EYS: variants seen among roughly 807,000 people sequenced by gnomAD.
EYS encodes EGF-like photoreceptor maintenance factor.
EYS carries 250 observed loss-of-function variants against 282.1 expected under a neutral mutation model. That is an observed-to-expected ratio of 0.89 (90% confidence interval 0.80 to 0.98). EYS has a LOEUF of 0.98. Among genes scored for constraint, EYS ranks in the 50% least tolerant of loss-of-function variants. The pLI, the probability that EYS is intolerant of heterozygous loss-of-function variation, is 0.00. For missense variants in EYS, 4,016 were observed against 3,709.0 expected, an observed-to-expected ratio of 1.08 and a Z score of -2.15; for synonymous variants, 1,355 against 1,282.9, an observed-to-expected ratio of 1.06 and a Z score of -1.20.
chr6:65,161,513 A>C (rs566824753), intron 12 of EYS, among the ~76,000 whole-genome samples: 2 of 151,248 alleles, frequency 1.3e-5, no homozygotes, highest in South Asian at 4.1e-4. Context: ...ATTCACTTAT[A>C]GTCTCAGAAT....
chr6:64,404,392 TGTGTGTGTGTGTG>T (rs2150438514), intron 28 of EYS, among the ~76,000 whole-genome samples: 1 of 92,464 alleles, frequency 1.1e-5, no homozygotes, highest in East Asian at 5.1e-4. Context: ...TGTGTGTGTG[TGTGTGTGTGTGTG>T]TGTGTGTGCA....
At chr6:65,664,704 G>C (rs1768140268) in intron 1 of EYS, among the ~76,000 whole-genome samples, 1 of 152,000 alleles carries the variant, frequency 6.6e-6, no homozygotes, top group African/African-American at 2.4e-5. Flanking sequence ...TTTTTAATAT[G>C]CTCACAAATA....
At chr6:64,720,133 A>G (rs1583077040) in intron 22 of EYS, among the ~76,000 whole-genome samples, 1 of 152,188 alleles carries the variant, frequency 6.6e-6, no homozygotes, top group Non-Finnish European at 1.5e-5. Context: ...GGAGGCACTA[A>G]GATAGAATCT....
Position 64,451,898 on chromosome 6 carries a change from T to TATC in EYS, c.5645-12549_5645-12547dup, listed in dbSNP as rs1282662292. Among the ~76,000 whole-genome samples, 5 of 152,154 alleles carry TATC rather than the reference T, an allele frequency of 3.3e-5. No homozygotes were observed. The East Asian group carries it at 9.6e-4, about 29-fold the overall frequency. On this transcript the variant is annotated intron_variant, in intron 26 of 42. Transcript: ENST00000503581. ...CTATCTATGACAAACCCACAGCCAA[T>TATC]ATCATACTGAATGGACAAAAACTGG...
intron 26 of EYS, among the ~76,000 whole-genome samples, chr6:64,483,185 G>A (rs775554652): frequency 1.3e-5 from 2 of 151,562 alleles, no homozygotes; most frequent in Non-Finnish European, 3.0e-5. Context: ...AAAAGCCATG[G>A]ACAATATGTA....
chr6:64,360,870 G>C (rs1017088025), intron 29 of EYS, among the ~76,000 whole-genome samples: 1 of 151,666 alleles, frequency 6.6e-6, no homozygotes, highest in African/African-American at 2.4e-5. Context: ...TAACTTTTCA[G>C]TGCAATATGT....
chr6:64,698,241 T>C (rs1457114982), intron 22 of EYS, among the ~76,000 whole-genome samples: 1 of 151,922 alleles, frequency 6.6e-6, no homozygotes, highest in Non-Finnish European at 1.5e-5. Flanking sequence ...AAATAGATTA[T>C]AAATTAACAA....
chr6:65,499,504 G>A (rs1404860691), intron 2 of EYS, among the ~76,000 whole-genome samples: 1 of 151,932 alleles, frequency 6.6e-6, no homozygotes, highest in Non-Finnish European at 1.5e-5. Flanking sequence ...TAAGAAGTAT[G>A]ACCTCCACAA....
chr6:65,218,801 T>C (rs1042945743), intron 12 of EYS, among the ~76,000 whole-genome samples: 2 of 151,954 alleles, frequency 1.3e-5, no homozygotes, highest in Non-Finnish European at 2.9e-5. Flanking sequence ...TAGCCTAGAA[T>C]GGAGAAAAAA....
intron 30 of EYS, among the ~76,000 whole-genome samples, chr6:64,263,902 A>T (rs1767670722): frequency 1.3e-5 from 2 of 152,166 alleles, no homozygotes; most frequent in Non-Finnish European, 2.9e-5. Flanking sequence ...CTGCAGCTTC[A>T]AATATGCAAA....
intron 22 of EYS, among the ~76,000 whole-genome samples, chr6:64,750,298 T>C (rs1017106532): frequency 7.9e-5 from 12 of 151,852 alleles, no homozygotes; most frequent in Non-Finnish European, 1.6e-4. Flanking sequence ...CTATTGGACA[T>C]AGATCTAAGG....
intron 19 of EYS, among the ~76,000 whole-genome samples, chr6:64,841,335 A>G (rs971468369): frequency 2.0e-5 from 3 of 152,152 alleles, no homozygotes; most frequent in African/African-American, 7.2e-5. Context: ...TAAATTTAAG[A>G]GAATATTTAA....
intron 26 of EYS, among the ~76,000 whole-genome samples, chr6:64,501,531 A>G (rs1777044503): frequency 6.6e-6 from 1 of 152,154 alleles, no homozygotes; most frequent in Non-Finnish European, 1.5e-5. Context: ...CATTAAAAAA[A>G]GATTAAACTA....
intron 24 of EYS, among the ~76,000 whole-genome samples, chr6:64,604,811 G>A (rs554773519): frequency 6.6e-6 from 1 of 152,068 alleles, no homozygotes; most frequent in South Asian, 2.1e-4. Flanking sequence ...AATAAGAAGG[G>A]AAATGGAAAG....
At chr6:64,031,080 G>A (rs920498333) in intron 33 of EYS, among the ~76,000 whole-genome samples, 5 of 152,256 alleles carry the variant, frequency 3.3e-5, no homozygotes, top group Non-Finnish European at 4.4e-5. Context: ...GCTTCAGCCC[G>A]CTGATGCACT....
intron 22 of EYS, among the ~76,000 whole-genome samples, chr6:64,706,307 T>G (rs983919738): frequency 6.6e-6 from 1 of 152,084 alleles, no homozygotes; most frequent in Non-Finnish European, 1.5e-5. Flanking sequence ...TCTCACCTTA[T>G]ACAAAAATAA....
chr6:65,552,896 G>T (rs1768650881), intron 2 of EYS, among the ~76,000 whole-genome samples: 3 of 148,586 alleles, frequency 2.0e-5, no homozygotes, highest in Admixed American at 2.0e-4. Context: ...TCAGTTCTAA[G>T]GTACTTATTT....
intron 31 of EYS, among the ~76,000 whole-genome samples, chr6:64,161,532 C>A (rs925710853): frequency 1.3e-5 from 2 of 152,092 alleles, no homozygotes; most frequent in Admixed American, 1.3e-4. Context: ...GGGAAGTAAT[C>A]TTTTTGAAGA....
At chr6:64,184,916 C>T (rs1385734332) in intron 31 of EYS, among the ~76,000 whole-genome samples, 2 of 151,682 alleles carry the variant, frequency 1.3e-5, no homozygotes, top group African/African-American at 4.9e-5. Flanking sequence ...CTCCCAAATC[C>T]ATATGCTGAA....
Sources: allele counts gnomAD v4.1 joint callset (sites outside exome capture counted in the v4.1 genomes callset), GRCh38; gene constraint gnomAD v4.1.1; transcripts MANE v1.5; gene names NCBI Gene and HGNC (gene_info 2026-07-23, HGNC 2026-07-21).